The following GAA variants were observed in gnomAD, a reference collection of about 807,000 sequenced individuals.
GAA encodes alpha glucosidase.
In GAA, 88 loss-of-function variants were observed where a neutral mutation model predicts 103.9. The observed-to-expected ratio is 0.85, with a 90% CI of 0.71 to 1.01. The LOEUF (loss-of-function observed/expected upper bound fraction) is 1.01. GAA is among the 50% of genes least tolerant of loss of function. GAA has a pLI of 0.00. For synonymous variants in GAA, 572 were observed against 563.1 expected (o/e 1.02, Z -0.22); for missense variants, 1,350 against 1,305.3 (o/e 1.03, Z -0.53).
In GAA at chr17:80,119,353, C is replaced by T. The variant is rs368146961; in HGVS notation, c.*22C>T. ...TTAGCCGGGCGGAGTGTGTTAGTCT[C>T]TCCAGAGGGAGGCTGGTTCCCCAGG... On this transcript the variant is annotated 3_prime_UTR_variant, in exon 20 of 20. Coordinates refer to ENST00000302262, the MANE Select transcript of GAA (RefSeq NM_000152.5). The T allele has an allele frequency of 3.1e-6, 5 of 1,607,300 alleles. No individual in the cohort carries two copies. The African/African-American group carries it at 5.4e-5, about 17-fold the overall frequency.
At chr17:80,109,243 C>T (rs1257780223) in intron 8 of GAA, among the ~76,000 whole-genome samples, 1 of 152,138 alleles carries the variant, frequency 6.6e-6, no homozygotes, top group African/African-American at 2.4e-5. Context: ...GAAAGGACGG[C>T]GTGAGTGAGG....
In GAA at chr17:80,106,164, C is replaced by T. The variant is rs1226108011; in HGVS notation, c.692+270C>T. On this transcript the variant is annotated intron_variant, in intron 3 of 19. Transcript: ENST00000302262. Reference sequence around the variant, plus strand: ...AGGAAAACTCTCAGGAACGACAGCACTTGGATTTGCCTTAATCTTAAGAGA... The same window carrying T: ...AGGAAAACTCTCAGGAACGACAGCATTTGGATTTGCCTTAATCTTAAGAGA... Among the ~76,000 whole-genome samples the T allele has an allele frequency of 6.6e-5, 10 of 152,216 alleles. 1 individual carries two copies. Among genetic ancestry groups the T allele is most frequent in the Non-Finnish European group, 1.0e-4 (7 of 68,042 alleles).
rs1425917793 is a variant in GAA at position 80,112,990 on chromosome 17, AC to A, written c.2007del (p.Phe670SerfsTer26). ...CGCTGGACCCAGCTGGGGGCCTTCT[AC>A]CCCTTCATGCGGAACCACAACAGCC... ...CVRWTQLGAF[Y>X]PFMRNHNSLL... On this transcript the variant is annotated frameshift_variant, in exon 14 of 20. Transcript: ENST00000302262. LOFTEE classifies it high-confidence loss of function. 6.2e-7 allele frequency: 1 copy of A among 1,610,342 alleles called. No homozygotes were observed. The highest frequency in any genetic ancestry group is 8.5e-7 in the Non-Finnish European group (1 of 1,179,086).
chr17:80,119,494 G>C lies in GAA; in HGVS notation c.*163G>C. 1.4e-6 allele frequency: 1 copy of C among 691,848 alleles called. No homozygotes were observed. Among genetic ancestry groups the C allele is most frequent in the Non-Finnish European group, 2.6e-6 (1 of 382,684 alleles). The allele number at this position is 691,848 out of a possible 1,614,324, so 42.9% of individuals were successfully genotyped here. A position where few individuals can be genotyped will look rare whatever the true frequency, so the allele number is the denominator to read the frequency against. On this transcript the variant is annotated 3_prime_UTR_variant, in exon 20 of 20. Transcript: ENST00000302262. ...CGCATCGCTTGTTTCCACCTCCTGG[G>C]CCGGGGCTCTGGCCCCCAACGTGTC... is the stretch of plus-strand genomic sequence containing the variant.
chr17:80,104,428 G>A lies in GAA; in HGVS notation c.-32-127G>A. 1.5e-6 allele frequency: 1 copy of A among 667,066 alleles called. No individual in the cohort carries two copies. Among genetic ancestry groups the A allele is most frequent in the African/African-American group, 1.8e-5 (1 of 55,182 alleles). 41.3% of individuals were successfully genotyped at this position (667,066 alleles called of 1,614,324 possible). A position where few individuals can be genotyped will look rare whatever the true frequency, so the allele number is the denominator to read the frequency against. On this transcript the variant is annotated intron_variant, in intron 1 of 19. Transcript: ENST00000302262. This position sits in a 1 kb window ranked among gnomAD's most constrained non-coding sequence, Gnocchi z 4.0. ...TAGACAGCAGGGCAACACCCACCCT[G>A]GCCACCTTACCCCACCTGCCTGGGT...
intron 18 of GAA, 142 bp from the exon 19 acceptor site, chr17:80,118,511 G>A: frequency 1.5e-6 from 2 of 1,361,078 alleles, no homozygotes; most frequent in South Asian, 1.2e-5. Context: ...GTGGGGCCGT[G>A]CACTCTGCCC....
At chr17:80,109,802 G>A in intron 8 of GAA, 143 bp from the exon 9 acceptor site, 1 of 643,822 alleles carries the variant, frequency 1.6e-6, no homozygotes, top group Non-Finnish European at 2.8e-6. Context: ...GGCGTGTGCA[G>A]GCATGTGCAG....
Position 80,104,591 on chromosome 17 carries a change from G to C in GAA, c.5G>C (p.Gly2Ala), listed in dbSNP as rs1245992455. The change falls in exon 2 of 20, where the codon GGA (glycine) becomes GCA (alanine). Residue 2 changes from glycine (G) to alanine (A), a missense_variant. Physicochemically the swap from Gly to Ala is moderately conservative, Grantham distance 60. Transcript: ENST00000302262. This position sits in a 1 kb window ranked among gnomAD's most constrained non-coding sequence, Gnocchi z 4.0. The stretch of plus-strand genomic sequence containing the variant: ...CTGTCCAGGCCATCTCCAACCATGG[G>C]AGTGAGGCACCCGCCCTGCTCCCAC... M[G>A]VRHPPCSHRL... The C allele has an allele frequency of 2.5e-6, 4 of 1,610,278 alleles. No homozygotes were observed. In the Admixed American group the frequency reaches 5.0e-5, roughly 20 times the overall value.
intron 12 of GAA, 33 bp downstream of exon 12, chr17:80,112,133 C>T (rs2039251662): frequency 1.3e-6 from 2 of 1,579,544 alleles, no homozygotes; most frequent in Admixed American, 1.7e-5. Flanking sequence ...CTGGGCTCTG[C>T]CCTCACAGCC....
intron 3 of GAA, among the ~76,000 whole-genome samples, chr17:80,107,009 C>T (rs963417870): frequency 6.6e-6 from 1 of 152,100 alleles, no homozygotes; most frequent in African/African-American, 2.4e-5. Context: ...GGTGTGAGCC[C>T]GTCCTGCGAA....
intron 8 of GAA, 91 bp from the exon 9 acceptor site, chr17:80,109,854 C>G (rs992864132): frequency 5.6e-5 from 51 of 908,228 alleles, no homozygotes; most frequent in Non-Finnish European, 9.2e-5. Context: ...GATGTCATCC[C>G]CAGCCTCATC....
chr17:80,117,858 G>A lies in GAA; in HGVS notation c.2481+109G>A, dbSNP rs1598592618. 47 of 1,139,856 alleles carry A rather than the reference G, an allele frequency of 4.1e-5. No homozygotes were observed. In the South Asian group the frequency reaches 4.7e-4, roughly 11 times the overall value. 70.6% of individuals were successfully genotyped at this position (1,139,856 alleles called of 1,614,324 possible). ...GCCCAGGTGGGGCTTCTGAGGGGCC[G>A]CCCCCCGCAGTGTAGGTTATCAAGG... is the stretch of plus-strand genomic sequence containing the variant. On this transcript the variant is annotated intron_variant, in intron 17 of 19. Transcript: ENST00000302262.
Position 80,112,066 on chromosome 17 carries a change from C to A in GAA, c.1720C>A (p.Leu574Ile). The change falls in exon 12 of 20, where the codon CTC becomes ATC. Residue 574 changes from leucine to isoleucine, a missense_variant. Coordinates refer to ENST00000302262, the MANE Select transcript of GAA (RefSeq NM_000152.5). ...CTCCACACACTACAACCTGCACAAC[C>A]TCTACGGCCTGACCGAAGCCATCGC... is the stretch of plus-strand genomic sequence containing the variant. ...FLSTHYNLHN[L>I]YGLTEAIASH... 6.2e-7 allele frequency: 1 copy of A among 1,614,118 alleles called. No homozygotes were observed. The highest frequency in any genetic ancestry group is 8.5e-7 in the Non-Finnish European group (1 of 1,179,984).
At chr17:80,105,231 T>C (rs1159570216) in intron 2 of GAA, 99 bp downstream of exon 2, 3 of 1,217,516 alleles carry the variant, frequency 2.5e-6, no homozygotes, top group African/African-American at 3.0e-5. Flanking sequence ...GTTGCACCAC[T>C]GTGTGCTGGG....
chr17:80,106,019 G>T, intron 3 of GAA, 125 bp downstream of exon 3: 2 of 1,296,678 alleles, frequency 1.5e-6, no homozygotes, highest in Non-Finnish European at 2.1e-6. Context: ...TTTCTCACAC[G>T]GCGGGGAGGG....
At chr17:80,114,954 G>A (rs2039329206) in intron 15 of GAA, among the ~76,000 whole-genome samples, 2 of 152,124 alleles carry the variant, frequency 1.3e-5, no homozygotes, top group Admixed American at 6.5e-5. Flanking sequence ...GAACTTGTCA[G>A]CCCATGGCCT....
In GAA at chr17:80,108,528, A is replaced by T. The variant is rs1057516520; in HGVS notation, c.1115A>T (p.His372Leu). The part of the protein sequence containing the change: ...FMPPYWGLGF[H>L]LCRWGYSSTA... ...CCGCCATACTGGGGCCTGGGCTTCCACCTGTGCCGCTGGGGCTACTCCTCC... is the reference window on the plus strand; with the variant it reads ...CCGCCATACTGGGGCCTGGGCTTCCTCCTGTGCCGCTGGGGCTACTCCTCC... The change falls in exon 7 of 20, where the codon CAC becomes CTC. Residue 372 changes from histidine (H) to leucine (L), a missense_variant. His to Leu is a moderately conservative substitution (Grantham distance 99). Transcript: ENST00000302262. 5.6e-6 allele frequency: 9 copies of T among 1,612,818 alleles called. No homozygotes were observed. Among genetic ancestry groups the T allele is most frequent in the Non-Finnish European group, 7.6e-6 (9 of 1,179,890 alleles).
chr17:80,105,226 A>G (rs1567826658), intron 2 of GAA, 94 bp downstream of exon 2: 2 of 1,269,624 alleles, frequency 1.6e-6, no homozygotes, highest in Admixed American at 2.1e-5. Flanking sequence ...TGCATGTTGC[A>G]CCACTGTGTG....
rs2039264531 is a variant in GAA at position 80,112,652 on chromosome 17, C to G, written c.1829C>G (p.Ala610Gly). The G allele has an allele frequency of 1.2e-6, 2 of 1,612,652 alleles. No homozygotes were observed. Among genetic ancestry groups the G allele is most frequent in the Non-Finnish European group, 1.7e-6 (2 of 1,179,888 alleles). Residue 610 changes from alanine (A) to glycine (G), a missense_variant, in exon 13 of 20, where the codon GCC becomes GGC. By Grantham distance (60) the Ala-to-Gly change is moderately conservative. Coordinates refer to ENST00000302262, the MANE Select transcript of GAA (RefSeq NM_000152.5). Reference sequence around the variant, plus strand: ...ACCTTTGCTGGCCACGGCCGATACGCCGGCCACTGGACGGGGGACGTGTGG... The same window carrying G: ...ACCTTTGCTGGCCACGGCCGATACGGCGGCCACTGGACGGGGGACGTGTGG... ...RSTFAGHGRYAGHWTGDVWSS... is the reference protein window; with the variant it reads ...RSTFAGHGRYGGHWTGDVWSS...
Sources: allele counts gnomAD v4.1 joint callset (sites outside exome capture counted in the v4.1 genomes callset), GRCh38; gene constraint gnomAD v4.1.1; non-coding constraint Gnocchi (gnomAD v3.1); transcripts MANE v1.5; gene names NCBI Gene and HGNC (gene_info 2026-07-23, HGNC 2026-07-21).